The following CSMD1 variants were observed in gnomAD, a reference collection of about 807,000 sequenced individuals.
CSMD1 encodes the protein CUB and Sushi multiple domains 1, also known as CUB and sushi domain-containing protein 1.
Under a neutral mutation model 417.5 loss-of-function variants are expected in CSMD1, and 213 were observed. The observed-to-expected ratio is 0.51, with a 90% CI of 0.46 to 0.57. CSMD1 has a LOEUF of 0.57. Ranked by LOEUF, CSMD1 falls within the 20% of genes least tolerant of loss-of-function variation. The pLI is 0.00. For missense variants in CSMD1, 6,923 were observed against 4,529.7 expected, an observed-to-expected ratio of 1.53 and a Z score of -15.17; for synonymous variants, 2,862 against 1,736.8, an observed-to-expected ratio of 1.65 and a Z score of -16.11.
intron 3 of CSMD1, among the ~76,000 whole-genome samples, chr8:4,110,996 C>A (rs1801823603): frequency 6.6e-6 from 1 of 152,054 alleles, no homozygotes; most frequent in African/African-American, 2.4e-5. Context: ...GGAACAAGCT[C>A]ACTAAGAGAT....
At chr8:3,411,137 T>A (rs891632609) in intron 12 of CSMD1, among the ~76,000 whole-genome samples, 1 of 152,144 alleles carries the variant, frequency 6.6e-6, no homozygotes, top group African/African-American at 2.4e-5. Context: ...GGAGACCTGG[T>A]GTCATCTGAC....
rs567241941 is a variant in CSMD1 at position 3,261,939 on chromosome 8, A to G, written c.4153+22205T>C. Among the ~76,000 whole-genome samples the G allele has an allele frequency of 3.9e-5, 6 of 152,016 alleles. No homozygotes were observed. In the South Asian group the frequency reaches 8.3e-4, roughly 21 times the overall value. The stretch of plus-strand genomic sequence containing the variant: ...AATGTCCTACTTATTGATAGTATCA[A>G]TGTCAACGCGTGGGCTGTGATAGTG... On this transcript the variant is annotated intron_variant, in intron 26 of 69. Transcript: ENST00000635120.
intron 1 of CSMD1, among the ~76,000 whole-genome samples, chr8:4,789,134 T>C (rs1797561249): frequency 1.3e-5 from 2 of 152,326 alleles, no homozygotes; most frequent in South Asian, 2.1e-4. Context: ...TTGTAAGAGT[T>C]CACTGAAAAT....
chr8:4,714,124 G>T (rs1808488660), intron 1 of CSMD1, among the ~76,000 whole-genome samples: 2 of 152,044 alleles, frequency 1.3e-5, no homozygotes, highest in South Asian at 4.2e-4. Context: ...CAGTCTGGGT[G>T]ACAGAACGCG....
chr8:3,387,517 T>C lies in CSMD1; in HGVS notation c.2759A>G (p.Asn920Ser), dbSNP rs762529159. 3.7e-6 allele frequency: 6 copies of C among 1,601,956 alleles called. No individual in the cohort carries two copies. Among genetic ancestry groups the C allele is most frequent in the African/African-American group, 1.3e-5 (1 of 74,832 alleles). Residue 920 changes from asparagine (N) to serine (S), a missense_variant, in exon 18 of 70, where the codon AAC becomes AGC. Physicochemically the swap from Asn to Ser is conservative, Grantham distance 46 (BLOSUM62 1). Coordinates refer to ENST00000635120, the MANE Select transcript of CSMD1 (RefSeq NM_033225.6). ...PLVCERNHQWNHALPSCDALC... is the reference protein window; with the variant it reads ...PLVCERNHQWSHALPSCDALC... ...ACCGTCGCAGCTGGGCAAGGCGTGG[T>C]TCCACTGGTGGTTCCTCTCACAGAC...
chr8:3,883,173 G>A (rs1048936616), intron 5 of CSMD1, among the ~76,000 whole-genome samples: 2 of 152,020 alleles, frequency 1.3e-5, no homozygotes, highest in Non-Finnish European at 2.9e-5. Context: ...GAATTAAATG[G>A]CTGGGTGCAA....
intron 6 of CSMD1, among the ~76,000 whole-genome samples, chr8:3,748,729 C>A (rs1321494300): frequency 1.3e-5 from 2 of 152,176 alleles, no homozygotes; most frequent in East Asian, 3.8e-4. Context: ...ATGGGGCTTT[C>A]AATAACTCAA....
rs1796672889 is a variant in CSMD1, at chr8:3,739,176, C to T, written c.931+14754G>A. The stretch of plus-strand genomic sequence containing the variant: ...ATGTTTGCAGTTAAAGTATCTGATG[C>T]ATGCCGGATACTGTAAGGAATGCAA... On this transcript the variant is annotated intron_variant, in intron 6 of 69. Transcript: ENST00000635120. Among the ~76,000 whole-genome samples the T allele has an allele frequency of 1.3e-5, 2 of 152,138 alleles. 1 individual carries two copies. Among genetic ancestry groups the T allele is most frequent in the South Asian group, 4.1e-4 (2 of 4,830 alleles).
intron 47 of CSMD1, among the ~76,000 whole-genome samples, chr8:3,094,105 T>TA (rs1173704099): frequency 2.5e-4 from 37 of 151,018 alleles, no homozygotes; most frequent in South Asian, 4.2e-4. Context: ...TTATTTTATT[T>TA]TTTATTTTTT....
chr8:3,372,122 G>T (rs969187943), intron 18 of CSMD1, among the ~76,000 whole-genome samples: 3 of 152,284 alleles, frequency 2.0e-5, no homozygotes, highest in Admixed American at 2.0e-4. Flanking sequence ...TAAGAAAAAG[G>T]GATGGGATAG....
In CSMD1 at chr8:4,796,320, C is replaced by T. The variant is rs145939657; in HGVS notation, c.86-158762G>A. 4.0e-3 allele frequency among the ~76,000 whole-genome samples: 615 copies of T among 152,074 alleles called. 4 individuals carry two copies. The highest frequency in any genetic ancestry group is 0.014 in the African/African-American group (580 of 41,488). ...CATTCCATGGAGATGAGATGACAAG[C>T]GACCAACGTGATGATCTTCACATAT... is the stretch of plus-strand genomic sequence containing the variant. On this transcript the variant is annotated intron_variant, in intron 1 of 69. Coordinates refer to ENST00000635120, the MANE Select transcript of CSMD1 (RefSeq NM_033225.6).
In CSMD1 at chr8:4,444,159, T is replaced by G. The variant is rs184193923; in HGVS notation, c.303-24094A>C. Among the ~76,000 whole-genome samples, 345 of 151,882 alleles carry G rather than the reference T, an allele frequency of 2.3e-3. 2 individuals are homozygous for G. Among genetic ancestry groups the G allele is most frequent in the African/African-American group, 8.1e-3 (337 of 41,414 alleles). ...AAATTTGAGACCACTCTGGCCAACATGGCAAAACCCTGTGCCTACTAAAAA... is the reference window on the plus strand; with the variant it reads ...AAATTTGAGACCACTCTGGCCAACAGGGCAAAACCCTGTGCCTACTAAAAA... On this transcript the variant is annotated intron_variant, in intron 2 of 69. Coordinates refer to ENST00000635120, the MANE Select transcript of CSMD1 (RefSeq NM_033225.6).
At chr8:4,246,560 C>T (rs1446493136) in intron 3 of CSMD1, among the ~76,000 whole-genome samples, 3 of 152,050 alleles carry the variant, frequency 2.0e-5, no homozygotes, top group Non-Finnish European at 2.9e-5. Context: ...TGAGGGTTTT[C>T]TTTAAAATAA....
At chr8:4,424,009 A>C (rs1797404943) in intron 2 of CSMD1, among the ~76,000 whole-genome samples, 1 of 152,078 alleles carries the variant, frequency 6.6e-6, no homozygotes. Flanking sequence ...TGTCCATAGC[A>C]AATAGTAAGT....
chr8:3,627,637 A>C (rs886500730), intron 7 of CSMD1, among the ~76,000 whole-genome samples: 2 of 152,200 alleles, frequency 1.3e-5, no homozygotes, highest in Non-Finnish European at 2.9e-5. Context: ...GGGAACTATG[A>C]GATAATAATA....
At chr8:4,447,642 T>G (rs1798890970) in intron 2 of CSMD1, among the ~76,000 whole-genome samples, 1 of 152,158 alleles carries the variant, frequency 6.6e-6, no homozygotes, top group Non-Finnish European at 1.5e-5. Flanking sequence ...TCGACAGGTT[T>G]ACGGAAAAGG....
intron 5 of CSMD1, among the ~76,000 whole-genome samples, chr8:3,878,611 GATCT>G (rs1323600864): frequency 1.3e-5 from 2 of 152,158 alleles, no homozygotes; most frequent in African/African-American, 4.8e-5. Flanking sequence ...AAATCTGTAA[GATCT>G]ATCTCTGTTT....
intron 2 of CSMD1, among the ~76,000 whole-genome samples, chr8:4,558,748 A>C (rs1338646397): frequency 6.6e-6 from 1 of 152,168 alleles, no homozygotes; most frequent in Admixed American, 6.5e-5. Flanking sequence ...GGCGCCTGTA[A>C]TCCCAGCTAC....
intron 10 of CSMD1, among the ~76,000 whole-genome samples, chr8:3,556,415 T>TATATATATATATATATATACATA (rs1799148435): frequency 1.8e-5 from 1 of 57,124 alleles, no homozygotes; most frequent in African/African-American, 6.2e-5. Flanking sequence ...ATATATATAT[T>TATATATATATATATATATACATA]CACACACACA....
Sources: allele counts gnomAD v4.1 joint callset (sites outside exome capture counted in the v4.1 genomes callset), GRCh38; gene constraint gnomAD v4.1.1; transcripts MANE v1.5; gene names NCBI Gene and HGNC (gene_info 2026-07-23, HGNC 2026-07-21).